TCF20: variants seen among roughly 807,000 people sequenced by gnomAD.
TCF20 encodes the protein transcription factor 20.
In TCF20, 3 loss-of-function variants were observed where a neutral mutation model predicts 148.6. That is an observed-to-expected ratio of 0.02 (90% CI 0.01 to 0.05). TCF20 has a LOEUF of 0.05. Ranked by LOEUF, TCF20 falls within the 10% of genes least tolerant of loss-of-function variation. The pLI, the probability that TCF20 is intolerant of heterozygous loss-of-function variation, is 1.00. For missense variants in TCF20, 2,350 were observed against 2,429.3 expected (o/e 0.97, Z 0.69); for synonymous variants, 1,049 against 909.5 (o/e 1.15, Z -2.76).
At position 42,219,092 on chromosome 22, in the gene TCF20, A is replaced by G. The variant is rs573201402; in HGVS notation, c.-36-3751T>C. 3.3e-5 allele frequency among the ~76,000 whole-genome samples: 5 copies of G among 152,138 alleles called. No individual in the cohort carries two copies. The East Asian group carries it at 7.7e-4, about 23-fold the overall frequency. On this transcript the variant is annotated intron_variant, in intron 1 of 5. Coordinates refer to ENST00000677622, the MANE Select transcript of TCF20 (RefSeq NM_001378418.1). ...GAAAATGTAAACCTGGAGCTATAAA[A>G]TAAGTAATAGGCTGGGTGTGGTGGC...
chr22:42,269,036 C>A (rs1010088726), intron 1 of TCF20, among the ~76,000 whole-genome samples: 6 of 152,174 alleles, frequency 3.9e-5, no homozygotes, highest in Admixed American at 2.0e-4. Context: ...GAGAAAATTA[C>A]CAGGGAAAGT....
At chr22:42,261,653 G>C (rs1926034406) in intron 1 of TCF20, among the ~76,000 whole-genome samples, 1 of 152,058 alleles carries the variant, frequency 6.6e-6, no homozygotes, top group South Asian at 2.1e-4. Context: ...TATCCTGAAG[G>C]ATGAGAAAAA....
intron 1 of TCF20, among the ~76,000 whole-genome samples, chr22:42,221,497 T>A (rs577700449): frequency 5.3e-5 from 8 of 152,280 alleles, no homozygotes; most frequent in African/African-American, 1.9e-4. Flanking sequence ...AGTAGACTAT[T>A]GCCACTTGGG....
intron 1 of TCF20, among the ~76,000 whole-genome samples, chr22:42,330,386 C>T (rs1927952076): frequency 6.6e-6 from 1 of 152,088 alleles, no homozygotes; most frequent in Non-Finnish European, 1.5e-5. Context: ...CTCGCTCCTT[C>T]CCCCCCACCT....
At chr22:42,224,769 C>T (rs557414530) in intron 1 of TCF20, among the ~76,000 whole-genome samples, 1 of 152,052 alleles carries the variant, frequency 6.6e-6, no homozygotes, top group Non-Finnish European at 1.5e-5. Flanking sequence ...TGCAAAGACT[C>T]TAGCACCATA....
At chr22:42,172,305 G>T (rs113434757) in intron 3 of TCF20, among the ~76,000 whole-genome samples, 2 of 152,236 alleles carry the variant, frequency 1.3e-5, no homozygotes, top group Non-Finnish European at 2.9e-5. Flanking sequence ...TGCTGGGAGG[G>T]AAGAGTGAAG....
rs770998674 is a variant in TCF20, at chr22:42,211,410, T to C, written c.3896A>G (p.Tyr1299Cys). The change falls in exon 2 of 6, where the codon TAT becomes TGT. Residue 1299 changes from tyrosine (Y) to cysteine (C), a missense_variant. Transcript: ENST00000677622. ...ATCCTGACTGTGAGAAAGATGGGCA[T>C]AGGAATTGAATGCTTTATCAGCGCC... is the stretch of plus-strand genomic sequence containing the variant. The part of the protein sequence containing the change: ...KEGADKAFNS[Y>C]AHLSHSQDIK... 5 of 1,614,050 alleles carry C rather than the reference T, an allele frequency of 3.1e-6. No homozygotes were observed. The highest frequency in any genetic ancestry group is 2.7e-5 in the African/African-American group (2 of 74,922).
At chr22:42,300,921 C>T (rs1336645185) in intron 1 of TCF20, among the ~76,000 whole-genome samples, 1 of 152,174 alleles carries the variant, frequency 6.6e-6, no homozygotes, top group East Asian at 1.9e-4. Flanking sequence ...TCTGTTGCTC[C>T]CCAAGGCCCT....
In TCF20 at chr22:42,279,031, G is replaced by C. The variant is rs918796227; in HGVS notation, c.-37+4796C>G. ...CTGACGACCATTATTCCCATTATCA[G>C]TATATCCCTCTGTGGGCAAATGATG... On this transcript the variant is annotated intron_variant, in intron 1 of 5. Transcript: ENST00000359486. The surrounding 1 kb of genome is among the most constrained non-coding windows in gnomAD (Gnocchi z 4.3). 6.6e-6 allele frequency among the ~76,000 whole-genome samples: 1 copy of C among 152,160 alleles called. No homozygotes were observed. Among genetic ancestry groups the C allele is most frequent in the South Asian group, 2.1e-4 (1 of 4,828 alleles).
rs759118027 is a variant in TCF20, at chr22:42,216,079, C to CTTTTTTTTTTTTTTTTTTTTTTTTTTT, written c.-36-765_-36-739dup. ...GGTGTGGGGTAAGAAAAACCAAATC[C>CTTTTTTTTTTTTTTTTTTTTTTTTTTT]TTTTTTTTTTTTTTTTTTTTTTTTT... On this transcript the variant is annotated intron_variant, in intron 1 of 5. Transcript: ENST00000677622. Among the ~76,000 whole-genome samples the CTTTTTTTTTTTTTTTTTTTTTTTTTTT allele has an allele frequency of 2.8e-4, 14 of 50,572 alleles. 3 individuals are homozygous for CTTTTTTTTTTTTTTTTTTTTTTTTTTT. The highest frequency in any genetic ancestry group is 6.8e-4 in the African/African-American group (8 of 11,834). 33.2% of individuals were successfully genotyped at this position (50,572 alleles called of 152,430 possible). A position where few individuals can be genotyped will look rare whatever the true frequency, so the allele number is the denominator to read the frequency against.
At chr22:42,312,387 T>C (rs1452992996) in intron 1 of TCF20, among the ~76,000 whole-genome samples, 1 of 152,094 alleles carries the variant, frequency 6.6e-6, no homozygotes, top group Non-Finnish European at 1.5e-5. Context: ...AATAAATGGG[T>C]TCCCTGGCTG....
chr22:42,167,813 G>C (rs764485321), intron 5 of TCF20, among the ~76,000 whole-genome samples: 4 of 152,038 alleles, frequency 2.6e-5, no homozygotes, highest in South Asian at 4.2e-4. Flanking sequence ...TCAACCTCCA[G>C]GTTTGATCAA....
intron 1 of TCF20, among the ~76,000 whole-genome samples, chr22:42,249,084 G>C (rs1041253821): frequency 5.9e-5 from 9 of 152,214 alleles, no homozygotes; most frequent in Non-Finnish European, 1.2e-4. Context: ...CTGAGAGCTA[G>C]AACAGACTTT....
intron 1 of TCF20, among the ~76,000 whole-genome samples, chr22:42,339,706 A>G (rs1269637810): frequency 6.6e-6 from 1 of 152,254 alleles, no homozygotes; most frequent in African/African-American, 2.4e-5. Flanking sequence ...TGAGTGGCAC[A>G]GCCACAGTGA....
rs1013459326 is a variant in TCF20, at chr22:42,279,228, G to C, written c.-37+4599C>G. On this transcript the variant is annotated intron_variant, in intron 1 of 5. Transcript: ENST00000359486. The surrounding 1 kb of genome is among the most constrained non-coding windows in gnomAD (Gnocchi z 4.3). ...GGTGTGAAAAAGAAAGGAAGGGCCA[G>C]GTGCAGTGGCTCATACCTGTAGTCC... is the stretch of plus-strand genomic sequence containing the variant. Among the ~76,000 whole-genome samples, 11 of 152,148 alleles carry C rather than the reference G, an allele frequency of 7.2e-5. No individual in the cohort carries two copies. The highest frequency in any genetic ancestry group is 1.6e-4 in the Non-Finnish European group (11 of 68,024).
chr22:42,323,910 G>GGTCGCGGTGGTGGTC, intron 1 of TCF20, among the ~76,000 whole-genome samples: 1 of 126,360 alleles, frequency 7.9e-6, no homozygotes, highest in Non-Finnish European at 1.7e-5. Context: ...TGGAGGTGGT[G>GGTCGCGGTGGTGGTC]GTGGTGATGG....
At chr22:42,165,650 T>G (rs1935739236) in intron 5 of TCF20, among the ~76,000 whole-genome samples, 1 of 152,202 alleles carries the variant, frequency 6.6e-6, no homozygotes, top group African/African-American at 2.4e-5. Flanking sequence ...TTGGGTATTT[T>G]TTGCTATAAG....
intron 5 of TCF20, among the ~76,000 whole-genome samples, chr22:42,162,713 C>T (rs1203407056): frequency 1.3e-5 from 2 of 152,146 alleles, no homozygotes; most frequent in Non-Finnish European, 2.9e-5. Flanking sequence ...AATTTGGTGC[C>T]CTCCCCTGAC....
At chr22:42,307,478 T>C (rs1480535254) in intron 1 of TCF20, among the ~76,000 whole-genome samples, 1 of 152,198 alleles carries the variant, frequency 6.6e-6, no homozygotes, top group Non-Finnish European at 1.5e-5. Context: ...CTCCCTCTGA[T>C]CTCTGCCCTC....
Sources: gnomAD v4.1 joint callset for allele counts (sites outside exome capture counted in the v4.1 genomes callset) on GRCh38, gnomAD v4.1.1 for gene constraint, Gnocchi (gnomAD v3.1) non-coding constraint, MANE v1.5 for transcripts, NCBI Gene and HGNC (gene_info 2026-07-23, HGNC 2026-07-21) for gene names.